The following ENTREP2 variants were observed in gnomAD, a reference collection of about 807,000 sequenced individuals.
The protein encoded by ENTREP2 is protein ENTREP2.
At chr15:29,649,323 C>T in the ENTREP2 span, among the ~76,000 whole-genome samples, 1 of 152,134 alleles carries the variant, frequency 6.6e-6, no homozygotes, top group Non-Finnish European at 1.5e-5. Context: ...CACTTTTCTC[C>T]TTGTTCTTAG....
chr15:29,193,377 C>T, the ENTREP2 span, among the ~76,000 whole-genome samples: 56 of 152,278 alleles, frequency 3.7e-4, no homozygotes, highest in South Asian at 0.011. Context: ...TTTTCTTTTG[C>T]TCTTCTGGAG....
chr15:29,602,213 A>G, the ENTREP2 span, among the ~76,000 whole-genome samples: 4 of 152,240 alleles, frequency 2.6e-5, no homozygotes, highest in Non-Finnish European at 5.9e-5. Context: ...TCATCTGCAC[A>G]TATTCCCCAT....
the ENTREP2 span, among the ~76,000 whole-genome samples, chr15:29,586,366 G>A: frequency 2.0e-5 from 3 of 152,116 alleles, no homozygotes; most frequent in African/African-American, 7.2e-5. Flanking sequence ...TGACAAAAAA[G>A]TTCTAAAATT....
chr15:29,288,280 T>C, the ENTREP2 span, among the ~76,000 whole-genome samples: 1 of 152,208 alleles, frequency 6.6e-6, no homozygotes, highest in Non-Finnish European at 1.5e-5. Flanking sequence ...CGTGTGTGCA[T>C]ATACAGTCAT....
chr15:29,557,230 C>G, the ENTREP2 span, among the ~76,000 whole-genome samples: 1 of 152,160 alleles, frequency 6.6e-6, no homozygotes, highest in Non-Finnish European at 1.5e-5. Context: ...TGATGAGTTC[C>G]CACTGTGCTT....
chr15:29,463,747 T>A, the ENTREP2 span, among the ~76,000 whole-genome samples: 1 of 152,184 alleles, frequency 6.6e-6, no homozygotes, highest in Admixed American at 6.5e-5. Context: ...CTAACAGATA[T>A]CTGTGCACCT....
chr15:29,478,021 T>A, the ENTREP2 span, among the ~76,000 whole-genome samples: 765 of 91,894 alleles, frequency 8.3e-3, 1 homozygote, highest in Non-Finnish European at 0.011. Context: ...ATATATATAT[T>A]TTTTTTTTTT....
the ENTREP2 span, among the ~76,000 whole-genome samples, chr15:29,395,589 G>A: frequency 3.3e-5 from 5 of 149,470 alleles, no homozygotes; most frequent in Admixed American, 1.3e-4. Context: ...GTGCAGTGAC[G>A]TGATCACAGC....
the ENTREP2 span, among the ~76,000 whole-genome samples, chr15:29,188,029 A>G: frequency 3.3e-5 from 5 of 152,206 alleles, no homozygotes; most frequent in Non-Finnish European, 7.3e-5. Flanking sequence ...GACATGGCTC[A>G]TGCATAGAGA....
At chr15:29,395,790 T>G in the ENTREP2 span, among the ~76,000 whole-genome samples, 53 of 152,174 alleles carry the variant, frequency 3.5e-4, 1 homozygote, top group African/African-American at 1.1e-3. Context: ...TGCCTGGGCC[T>G]CGAAAAGTGC....
chr15:29,512,053 A>C, the ENTREP2 span, among the ~76,000 whole-genome samples: 1 of 151,956 alleles, frequency 6.6e-6, no homozygotes, highest in African/African-American at 2.4e-5. Flanking sequence ...TTCTATGGTG[A>C]ACGATATTAC....
At chr15:29,535,975 C>T in the ENTREP2 span, among the ~76,000 whole-genome samples, 20 of 152,084 alleles carry the variant, frequency 1.3e-4, no homozygotes, top group East Asian at 3.9e-4. Context: ...CAGACCCAGG[C>T]GGCAGAGGAG....
the ENTREP2 span, among the ~76,000 whole-genome samples, chr15:29,246,997 A>G: frequency 6.6e-6 from 1 of 151,872 alleles, no homozygotes. Flanking sequence ...ACACACACAC[A>G]CACACACACA....
chr15:29,651,958 G>C, the ENTREP2 span, among the ~76,000 whole-genome samples: 1 of 152,204 alleles, frequency 6.6e-6, no homozygotes, highest in Non-Finnish European at 1.5e-5. Context: ...AAGATCTGAA[G>C]CCTGGGGGCC....
the ENTREP2 span, among the ~76,000 whole-genome samples, chr15:29,657,090 C>G: frequency 1.1e-4 from 16 of 152,152 alleles, no homozygotes; most frequent in Non-Finnish European, 1.8e-4. Context: ...CGCTGTTCCT[C>G]ACGCCAGAGG....
chr15:29,281,016 T>C, the ENTREP2 span, among the ~76,000 whole-genome samples: 1,068 of 152,314 alleles, frequency 7.0e-3, 9 homozygotes, highest in Middle Eastern at 0.027. Context: ...GCTGTTCAAT[T>C]GTTTATCATT....
the ENTREP2 span, among the ~76,000 whole-genome samples, chr15:29,477,394 A>G: frequency 7.0e-6 from 1 of 143,200 alleles, no homozygotes; most frequent in South Asian, 2.3e-4. Context: ...CTCTGCATGT[A>G]TGTTAGACTT....
chr15:29,469,663 C>T, the ENTREP2 span, among the ~76,000 whole-genome samples: 1 of 152,184 alleles, frequency 6.6e-6, no homozygotes, highest in Non-Finnish European at 1.5e-5. Context: ...GTGGTGATGG[C>T]TGAGCAACAG....
chr15:29,257,245 G>C, the ENTREP2 span, among the ~76,000 whole-genome samples: 1 of 151,964 alleles, frequency 6.6e-6, no homozygotes, highest in African/African-American at 2.4e-5. Context: ...GGGTAATTTT[G>C]TATTTTTAGT....
Sources: allele counts gnomAD v4.1 joint callset (sites outside exome capture counted in the v4.1 genomes callset), GRCh38; gene constraint gnomAD v4.1.1; transcripts MANE v1.5; gene names NCBI Gene and HGNC (gene_info 2026-07-23, HGNC 2026-07-21).